Variants in RUNX1T1 observed in about 807,000 individuals in gnomAD.
RUNX1T1 encodes protein CBFA2T1.
In RUNX1T1, 4 loss-of-function variants were observed where a neutral mutation model predicts 62.8. The ratio of observed to expected loss-of-function variants is 0.06; its 90% CI spans 0.03 to 0.15. The LOEUF is 0.15. RUNX1T1 is among the 10% of genes least tolerant of loss of function. The pLI, the probability that RUNX1T1 is intolerant of heterozygous loss-of-function variation, is 1.00. For missense variants in RUNX1T1, 508 were observed against 754.3 expected (o/e 0.67, Z 3.82); for synonymous variants, 291 against 286.0 (o/e 1.02, Z -0.18).
At chr8:91,982,513 A>C (rs1408303308) in intron 8 of RUNX1T1, among the ~76,000 whole-genome samples, 1 of 152,232 alleles carries the variant, frequency 6.6e-6, no homozygotes, top group Admixed American at 6.5e-5. Flanking sequence ...CTAACCAGCA[A>C]CTGCCTTTCT....
intron 1 of RUNX1T1, among the ~76,000 whole-genome samples, chr8:92,052,691 C>A (rs1347477884): frequency 2.6e-5 from 4 of 152,154 alleles, no homozygotes; most frequent in African/African-American, 4.8e-5. Flanking sequence ...TTCAAACACA[C>A]GTTACTGGGT....
At chr8:92,002,878 T>C (rs1472372486) in intron 5 of RUNX1T1, among the ~76,000 whole-genome samples, 3 of 152,094 alleles carry the variant, frequency 2.0e-5, no homozygotes, top group African/African-American at 7.2e-5. Context: ...GGAAAATGCA[T>C]ATGCAAACAA....
intron 10 of RUNX1T1, among the ~76,000 whole-genome samples, chr8:91,967,298 G>A (rs913240814): frequency 6.6e-6 from 1 of 152,030 alleles, no homozygotes; most frequent in Non-Finnish European, 1.5e-5. Context: ...CTGGTTTACC[G>A]GACTGGTCTG....
intron 2 of RUNX1T1, among the ~76,000 whole-genome samples, chr8:92,016,109 G>A (rs1222740919): frequency 2.0e-5 from 3 of 152,166 alleles, no homozygotes; most frequent in Non-Finnish European, 4.4e-5. Flanking sequence ...GGATTTCATG[G>A]CACATGGTGT....
intron 1 of RUNX1T1, among the ~76,000 whole-genome samples, chr8:92,024,914 T>C (rs1191129960): frequency 6.6e-6 from 1 of 152,220 alleles, no homozygotes; most frequent in Non-Finnish European, 1.5e-5. Context: ...TATGTAAAAC[T>C]GGCCATGTTT....
intron 1 of RUNX1T1, among the ~76,000 whole-genome samples, chr8:92,026,521 C>G (rs1245898632): frequency 6.6e-6 from 1 of 152,206 alleles, no homozygotes; most frequent in Non-Finnish European, 1.5e-5. Flanking sequence ...GCTAGCATTA[C>G]ATTAAAACTG....
rs147268128 is a variant in RUNX1T1 at position 91,961,640 on chromosome 8, A to G, written c.1459-1123T>C. ...GCAGGCAAGGAGGAATGAGGAAGAAACTAACCTTCAGGGATCCTCCTATGA... is the reference window on the plus strand; with the variant it reads ...GCAGGCAAGGAGGAATGAGGAAGAAGCTAACCTTCAGGGATCCTCCTATGA... On this transcript the variant is annotated intron_variant, in intron 10 of 10. Transcript: ENST00000396218. Among the ~76,000 whole-genome samples the G allele has an allele frequency of 5.3e-5, 8 of 152,354 alleles. No homozygotes were observed. In the South Asian group the frequency reaches 1.7e-3, roughly 32 times the overall value.
intron 1 of RUNX1T1, among the ~76,000 whole-genome samples, chr8:92,061,455 T>G (rs566921588): frequency 6.6e-6 from 1 of 152,336 alleles, no homozygotes; most frequent in South Asian, 2.1e-4. Context: ...ATTGTCTTTT[T>G]GTAAATTGAT....
intron 1 of RUNX1T1, among the ~76,000 whole-genome samples, chr8:92,080,743 G>A (rs944479681): frequency 6.6e-6 from 1 of 152,208 alleles, no homozygotes; most frequent in Non-Finnish European, 1.5e-5. Flanking sequence ...CACAAAAGGT[G>A]TTCACTAAAT....
At chr8:92,075,894 T>G in intron 2 of RUNX1T1, 71 bp downstream of exon 2, 1 of 1,344,734 alleles carries the variant, frequency 7.4e-7, no homozygotes, top group South Asian at 1.3e-5. Flanking sequence ...TTATAATTTA[T>G]TGGAAAAAAT....
At chr8:91,965,191 C>A (rs1459644512) in intron 10 of RUNX1T1, among the ~76,000 whole-genome samples, 2 of 152,206 alleles carry the variant, frequency 1.3e-5, no homozygotes, top group Non-Finnish European at 2.9e-5. Flanking sequence ...TGGGCACTGA[C>A]AGCTACAGGA....
rs534240990 is a variant in RUNX1T1 at position 92,068,807 on chromosome 8, A to T, written c.88+7158T>A. The stretch of plus-strand genomic sequence containing the variant: ...TCTGTGTGAGCCCAGCAAACAACAG[A>T]TCTTACCACCGCTATGAACAACCCT... On this transcript the variant is annotated intron_variant, in intron 2 of 11. Coordinates refer to the RUNX1T1 transcript ENST00000265814. 6.6e-5 allele frequency among the ~76,000 whole-genome samples: 10 copies of T among 152,274 alleles called. 1 individual carries two copies. In the South Asian group the frequency reaches 2.1e-3, roughly 32 times the overall value.
At chr8:92,069,819 TCTTA>T (rs1237461614) in intron 2 of RUNX1T1, among the ~76,000 whole-genome samples, 1 of 152,218 alleles carries the variant, frequency 6.6e-6, no homozygotes, top group Non-Finnish European at 1.5e-5. Flanking sequence ...AAATTTTTAC[TCTTA>T]CTTTCATTTA....
chr8:92,009,290 G>A (rs962331825), intron 4 of RUNX1T1, among the ~76,000 whole-genome samples: 12 of 152,122 alleles, frequency 7.9e-5, no homozygotes, highest in Non-Finnish European at 1.3e-4. Flanking sequence ...GAGGGTCTGC[G>A]GGTTACATTA....
chr8:92,019,588 C>G (rs1244800884), intron 1 of RUNX1T1, among the ~76,000 whole-genome samples: 1 of 152,062 alleles, frequency 6.6e-6, no homozygotes, highest in East Asian at 1.9e-4. Context: ...TGTGCACAGC[C>G]CCCTACCTGA....
intron 8 of RUNX1T1, among the ~76,000 whole-genome samples, chr8:91,978,444 T>C (rs1208649462): frequency 6.6e-6 from 1 of 152,206 alleles, no homozygotes; most frequent in African/African-American, 2.4e-5. Context: ...CTATGTGGTC[T>C]AGTAAGAATG....
chr8:92,020,130 G>A (rs940042789), intron 1 of RUNX1T1, among the ~76,000 whole-genome samples: 2 of 152,128 alleles, frequency 1.3e-5, no homozygotes, highest in Non-Finnish European at 2.9e-5. Context: ...GTGCTGTTCA[G>A]TGCAATCAAT....
At chr8:91,983,595 G>A (rs986954156) in intron 8 of RUNX1T1, among the ~76,000 whole-genome samples, 8 of 152,064 alleles carry the variant, frequency 5.3e-5, no homozygotes, top group African/African-American at 1.4e-4. Context: ...TGTGGGATAC[G>A]GAGATCTAAA....
chr8:92,036,664 T>TAC (rs1827472585), intron 1 of RUNX1T1, among the ~76,000 whole-genome samples: 1 of 152,204 alleles, frequency 6.6e-6, no homozygotes, highest in Admixed American at 6.5e-5. Context: ...ACACAAATTC[T>TAC]ACTCTTTATC....
Sources: allele counts gnomAD v4.1 joint callset (sites outside exome capture counted in the v4.1 genomes callset), GRCh38; gene constraint gnomAD v4.1.1; transcripts MANE v1.5; gene names NCBI Gene and HGNC (gene_info 2026-07-23, HGNC 2026-07-21).